MYO5C: variants seen among roughly 807,000 people sequenced by gnomAD.
MYO5C encodes the protein myosin VC.
In MYO5C, 194 loss-of-function variants were observed where a neutral mutation model predicts 235.7. The observed-to-expected ratio is 0.82, with a 90% confidence interval of 0.73 to 0.93. The LOEUF is 0.93. Ranked by LOEUF, MYO5C falls within the 40% of genes least tolerant of loss-of-function variation. MYO5C has a pLI of 0.00. For missense variants in MYO5C, 2,038 were observed against 2,127.2 expected (o/e 0.96, Z 0.82); for synonymous variants, 707 against 754.8 (o/e 0.94, Z 1.04).
intron 20 of MYO5C, 40 bp from the exon 21 acceptor site, chr15:52,239,919 A>C (rs749486305): frequency 6.3e-7 from 1 of 1,579,930 alleles, no homozygotes; most frequent in South Asian, 1.2e-5. Flanking sequence ...CTGGATCCCA[A>C]GTGCTTCTCT....
intron 36 of MYO5C, among the ~76,000 whole-genome samples, chr15:52,207,031 G>C (rs1053668989): frequency 3.3e-5 from 5 of 152,106 alleles, no homozygotes; most frequent in African/African-American, 4.8e-5. Flanking sequence ...TACTCAGGAG[G>C]CTGAGGCAGG....
intron 24 of MYO5C, 135 bp from the exon 25 acceptor site, chr15:52,229,448 A>G: frequency 2.7e-6 from 2 of 746,666 alleles, no homozygotes; most frequent in Non-Finnish European, 4.2e-6. Flanking sequence ...AACAAGAGAG[A>G]CCCCGTCCCC....
At chr15:52,286,300 C>T (rs1247955297) in intron 1 of MYO5C, among the ~76,000 whole-genome samples, 5 of 150,806 alleles carry the variant, frequency 3.3e-5, no homozygotes, top group South Asian at 2.1e-4. Flanking sequence ...CCAGCCGCCC[C>T]GTCCGGGAGG....
At chr15:52,247,303 G>A (rs769397531) in intron 15 of MYO5C, among the ~76,000 whole-genome samples, 155 bp downstream of exon 15, 11 of 152,166 alleles carry the variant, frequency 7.2e-5, no homozygotes, top group Non-Finnish European at 1.5e-4. Flanking sequence ...GAAGTATGAC[G>A]ACGATGAACT....
chr15:52,269,386 A>T (rs1304098099), intron 8 of MYO5C, among the ~76,000 whole-genome samples: 89 of 104,000 alleles, frequency 8.6e-4, no homozygotes, highest in Non-Finnish European at 1.1e-3. Context: ...CCACCTTTTA[A>T]TTTTTTTTTT....
chr15:52,269,981 C>T, intron 7 of MYO5C, 121 bp from the exon 8 acceptor site: 3 of 711,772 alleles, frequency 4.2e-6, no homozygotes, highest in Non-Finnish European at 7.3e-6. Context: ...CAGTTTATTC[C>T]ATTTATTCCT....
At chr15:52,234,496 G>C (rs2141306964) in intron 23 of MYO5C, among the ~76,000 whole-genome samples, 2 of 150,944 alleles carry the variant, frequency 1.3e-5, no homozygotes, top group South Asian at 4.2e-4. Context: ...GGGGAAAAAA[G>C]CCAAAACAAC....
At chr15:52,229,439 A>G in intron 24 of MYO5C, 126 bp from the exon 25 acceptor site, 1 of 802,694 alleles carries the variant, frequency 1.2e-6, no homozygotes, top group Non-Finnish European at 1.9e-6. Context: ...AGCCTGGGCA[A>G]CAAGAGAGAC....
At chr15:52,221,121 A>G (rs1367519525) in intron 30 of MYO5C, 41 bp downstream of exon 30, 4 of 1,501,352 alleles carry the variant, frequency 2.7e-6, no homozygotes, top group Non-Finnish European at 3.7e-6. Context: ...GGGGTACAGG[A>G]AACCGTTTTC....
rs1318002092 is a variant in MYO5C at position 52,204,967 on chromosome 15, C to T, written c.4718G>A (p.Arg1573Lys). The change falls in exon 38 of 41, where the codon AGG becomes AAG. Residue 1573 changes from arginine (R) to lysine (K), a missense_variant. Transcript: ENST00000261839. ...CQNGLDPELV[R>K]QAVKQLFFLI... ...GAAGAAGAGCTGCTTCACCGCCTGC[C>T]TCACAAGCTCGGGGTCCAGGCCGTT... 3 of 1,614,132 alleles carry T rather than the reference C, an allele frequency of 1.9e-6. No individual in the cohort carries two copies. The highest frequency in any genetic ancestry group is 1.6e-4 in the Middle Eastern group (1 of 6,084).
chr15:52,205,748 C>T, intron 37 of MYO5C, 68 bp downstream of exon 37: 1 of 1,014,652 alleles, frequency 9.9e-7, no homozygotes, highest in Non-Finnish European at 1.4e-6. Context: ...ATTACACATA[C>T]CAAGTTTATG....
At chr15:52,223,445 T>C (rs2035746277) in intron 29 of MYO5C, 99 bp downstream of exon 29, 1 of 1,154,250 alleles carries the variant, frequency 8.7e-7, no homozygotes, top group Non-Finnish European at 1.2e-6. Context: ...AAGTAATTTA[T>C]ATCCACTCTT....
chr15:52,206,107 C>T, intron 36 of MYO5C, 141 bp from the exon 37 acceptor site: 3 of 516,242 alleles, frequency 5.8e-6, no homozygotes, highest in South Asian at 4.8e-5. Flanking sequence ...GTAGCATGTA[C>T]CTTCTATAAG....
At chr15:52,252,584 G>A (rs1319310208) in intron 12 of MYO5C, among the ~76,000 whole-genome samples, 1 of 151,984 alleles carries the variant, frequency 6.6e-6, no homozygotes, top group Admixed American at 6.6e-5. Context: ...GACCATCCTG[G>A]CTAACATGGT....
Position 52,278,969 on chromosome 15 carries a change from C to T in MYO5C, c.353G>A (p.Gly118Glu), listed in dbSNP as rs1263083335. 3 of 1,614,018 alleles carry T rather than the reference C, an allele frequency of 1.9e-6. No homozygotes were observed. Among genetic ancestry groups the T allele is most frequent in the Non-Finnish European group, 2.5e-6 (3 of 1,180,004 alleles). The stretch of plus-strand genomic sequence containing the variant: ...GCTGTAGGCGTGGATGATGGCATCT[C>T]CGTATATTGGCAACTGCTTGTAAGG... ...MNPYKQLPIY[G>E]DAIIHAYSGQ... Residue 118 changes from glycine (G) to glutamate (E), a missense_variant, in exon 4 of 41, where the codon GGA becomes GAA. By Grantham distance (98) the Gly-to-Glu change is moderately conservative. Coordinates refer to ENST00000261839, the MANE Select transcript of MYO5C (RefSeq NM_018728.4).
rs199931925 is a variant in MYO5C, at chr15:52,204,872, G to C, written c.4813C>G (p.Gln1605Glu). ...GAGGTTTCTGGGTTTTACCTGATCT[G>C]CATCCCTTTTCTGCAGGAGCACATG... ...KDMCSCRKGM[Q>E]IRCNISYLEE... Residue 1605 changes from glutamine to glutamate, a missense_variant, in exon 38 of 41, where the codon CAG becomes GAG. By Grantham distance (29) the Gln-to-Glu change is conservative. Transcript: ENST00000261839. 67 of 1,613,724 alleles carry C rather than the reference G, an allele frequency of 4.2e-5. No homozygotes were observed. The highest frequency in any genetic ancestry group is 8.3e-5 in the Admixed American group (5 of 59,996).
intron 32 of MYO5C, among the ~76,000 whole-genome samples, chr15:52,217,517 C>G (rs2035582617): frequency 6.6e-6 from 1 of 152,230 alleles, no homozygotes; most frequent in South Asian, 2.1e-4. Flanking sequence ...CAAGGCAAGG[C>G]AGCCTCACAC....
At chr15:52,205,993 T>C (rs1313734669) in intron 36 of MYO5C, 27 bp from the exon 37 acceptor site, 4 of 1,357,432 alleles carry the variant, frequency 2.9e-6, no homozygotes, top group East Asian at 2.4e-5. Flanking sequence ...ACATAAAATA[T>C]TAGAATAATA....
intron 7 of MYO5C, among the ~76,000 whole-genome samples, chr15:52,270,626 A>ATGTGTGTG (rs1418663421): frequency 6.8e-6 from 1 of 147,214 alleles, no homozygotes; most frequent in East Asian, 2.2e-4. Flanking sequence ...GTATATATAA[A>ATGTGTGTG]TGTATGTGTA....
Sources: allele counts gnomAD v4.1 joint callset (sites outside exome capture counted in the v4.1 genomes callset), GRCh38; gene constraint gnomAD v4.1.1; transcripts MANE v1.5; gene names NCBI Gene and HGNC (gene_info 2026-07-23, HGNC 2026-07-21).